Variants in KSR1 observed in about 807,000 individuals in gnomAD.
The protein encoded by KSR1 is kinase suppressor of ras.
A neutral mutation model predicts 92.9 loss-of-function variants in KSR1; 35 were observed. The ratio of observed to expected loss-of-function variants is 0.38; its 90% CI spans 0.29 to 0.50. The LOEUF (loss-of-function observed/expected upper bound fraction) is 0.50, where lower values mean the gene tolerates loss of function less well. Among genes scored for constraint, KSR1 ranks in the 20% least tolerant of loss-of-function variants. KSR1 has a pLI of 0.94. For synonymous variants in KSR1, 467 were observed against 472.6 expected (o/e 0.99, Z 0.15); for missense variants, 972 against 1,158.5 (o/e 0.84, Z 2.34).
intron 2 of KSR1, among the ~76,000 whole-genome samples, chr17:27,572,418 A>G (rs891674493): frequency 2.0e-5 from 3 of 152,172 alleles, no homozygotes; most frequent in Admixed American, 6.5e-5. Context: ...TTGTAGTTCC[A>G]TATTTTGTTC....
chr17:27,510,483 A>T (rs1161900348), intron 1 of KSR1, among the ~76,000 whole-genome samples: 1 of 152,202 alleles, frequency 6.6e-6, no homozygotes, highest in Non-Finnish European at 1.5e-5. Context: ...GTGTAGTTTA[A>T]TGGATGGTTT....
At chr17:27,546,733 A>G (rs2071188191) in intron 1 of KSR1, among the ~76,000 whole-genome samples, 1 of 152,164 alleles carries the variant, frequency 6.6e-6, no homozygotes, top group African/African-American at 2.4e-5. Context: ...CTCTGGTCTC[A>G]CTGGGCGGGA....
Position 27,623,603 on chromosome 17 carries a change from T to C in KSR1, c.*211T>C. The C allele has an allele frequency of 1.6e-6, 1 of 627,006 alleles. No individual in the cohort carries two copies. The highest frequency in any genetic ancestry group is 2.8e-6 in the Non-Finnish European group (1 of 354,574). 38.8% of individuals were successfully genotyped at this position (627,006 alleles called of 1,614,324 possible). ...AAATGACACCACCAACAACCAAACC[T>C]GTCATGACAGACAGCAAATGTTTAC... On this transcript the variant is annotated 3_prime_UTR_variant, in exon 21 of 21. Coordinates refer to ENST00000644974, the MANE Select transcript of KSR1 (RefSeq NM_001394583.1).
Position 27,622,024 on chromosome 17 carries a change from C to T in KSR1, c.2708+751C>T, listed in dbSNP as rs373078815. 28 of 1,211,068 alleles carry T rather than the reference C, an allele frequency of 2.3e-5. No individual in the cohort carries two copies. The African/African-American group carries it at 2.4e-4, about 10-fold the overall frequency. 75.0% of individuals were successfully genotyped at this position (1,211,068 alleles called of 1,614,324 possible). ...TTCTGCTAAAATGCAAAATGAGATGCGGGCACTAACCCAGGGGATGCCACC... is the reference window on the plus strand; with the variant it reads ...TTCTGCTAAAATGCAAAATGAGATGTGGGCACTAACCCAGGGGATGCCACC... On this transcript the variant is annotated intron_variant, in intron 20 of 20. Coordinates refer to ENST00000644974, the MANE Select transcript of KSR1 (RefSeq NM_001394583.1).
In KSR1 at chr17:27,626,080, GTTA is replaced by G. The variant is rs2074334469; in HGVS notation, c.*2691_*2693del. 6.6e-6 allele frequency: 1 copy of G among 152,220 alleles called. No homozygotes were observed. The highest frequency in any genetic ancestry group is 2.4e-5 in the African/African-American group (1 of 41,452). 9.4% of individuals were successfully genotyped at this position (152,220 alleles called of 1,614,324 possible). ...GGAATGGCAAGCCCTGGAAACCTGT[GTTA>G]TTCTGTGTTGATTTGGTGTGGGGGG... On this transcript the variant is annotated 3_prime_UTR_variant, in exon 21 of 21. Transcript: ENST00000644974.
chr17:27,503,547 A>C (rs2069267436), intron 1 of KSR1, among the ~76,000 whole-genome samples: 1 of 152,176 alleles, frequency 6.6e-6, no homozygotes, highest in Non-Finnish European at 1.5e-5. Flanking sequence ...CCTTTTGTCC[A>C]GTTTGGTATC....
chr17:27,538,265 C>G (rs1202704471), intron 1 of KSR1, among the ~76,000 whole-genome samples: 1 of 152,190 alleles, frequency 6.6e-6, no homozygotes, highest in Non-Finnish European at 1.5e-5. Flanking sequence ...TACAATGAGT[C>G]TGGAGTTAGG....
chr17:27,528,276 A>T (rs2070394280), intron 1 of KSR1, among the ~76,000 whole-genome samples: 1 of 152,034 alleles, frequency 6.6e-6, no homozygotes, highest in Non-Finnish European at 1.5e-5. Context: ...CATGTTGGCC[A>T]GGCTGGTCTC....
chr17:27,501,862 C>T (rs11657293), intron 1 of KSR1, among the ~76,000 whole-genome samples: 72,696 of 152,208 alleles, frequency 0.48, 18,903 homozygotes, highest in East Asian at 0.69. Context: ...CATACATTGT[C>T]GTTAGTTCTC....
intron 4 of KSR1, chr17:27,583,834 C>T (rs1274629971): frequency 1.6e-5 from 3 of 188,072 alleles, no homozygotes; most frequent in Non-Finnish European, 3.0e-5. Flanking sequence ...GAGACAGTCA[C>T]ATGGTCCAAA....
At chr17:27,479,255 T>C (rs2068442737) in intron 1 of KSR1, among the ~76,000 whole-genome samples, 1 of 144,444 alleles carries the variant, frequency 6.9e-6, no homozygotes, top group African/African-American at 2.6e-5. Flanking sequence ...TGTGCTCCTC[T>C]CTCCCTCCAT....
At chr17:27,573,852 C>G (rs1035991116) in intron 2 of KSR1, among the ~76,000 whole-genome samples, 1 of 152,144 alleles carries the variant, frequency 6.6e-6, no homozygotes, top group African/African-American at 2.4e-5. Flanking sequence ...ATAATGTATA[C>G]AAAGCCCTAG....
rs1015583924 is a variant in KSR1, at chr17:27,623,300, G to T, written c.2709-14G>T. 4 of 763,296 alleles carry T rather than the reference G, an allele frequency of 5.2e-6. No individual in the cohort carries two copies. The highest frequency in any genetic ancestry group is 9.6e-6 in the Non-Finnish European group (4 of 416,988). 47.3% of individuals were successfully genotyped at this position (763,296 alleles called of 1,614,324 possible). A position where few individuals can be genotyped will look rare whatever the true frequency, so the allele number is the denominator to read the frequency against. ...CAATGGGGCTATAATTCTTGTTTTT[G>T]TTCCTCTTTGCAGCATTAACAGCAG... On this transcript the variant is annotated splice_polypyrimidine_tract_variant and intron_variant, in intron 20 of 20. Coordinates refer to ENST00000644974, the MANE Select transcript of KSR1 (RefSeq NM_001394583.1).
At chr17:27,492,505 G>T (rs942013323) in intron 1 of KSR1, among the ~76,000 whole-genome samples, 1 of 152,194 alleles carries the variant, frequency 6.6e-6, no homozygotes, top group African/African-American at 2.4e-5. Flanking sequence ...GCTGCCATGT[G>T]ACCTTGGACA....
At chr17:27,623,150 G>C in intron 20 of KSR1, 164 bp from the exon 21 acceptor site, 1 of 649,328 alleles carries the variant, frequency 1.5e-6, no homozygotes. Context: ...GGCCTTGGAC[G>C]CAGTATGACC....
intron 14 of KSR1, among the ~76,000 whole-genome samples, chr17:27,607,098 C>A (rs138356757): frequency 6.6e-6 from 1 of 152,148 alleles, no homozygotes; most frequent in African/African-American, 2.4e-5. Flanking sequence ...TCCCAAAGTG[C>A]TGAGATTACA....
chr17:27,574,106 C>G (rs533284097), intron 2 of KSR1, among the ~76,000 whole-genome samples: 2 of 152,280 alleles, frequency 1.3e-5, no homozygotes, highest in East Asian at 3.9e-4. Flanking sequence ...GAGAGACAAA[C>G]TGAGGACACC....
intron 1 of KSR1, among the ~76,000 whole-genome samples, chr17:27,461,120 C>T (rs2019413087): frequency 6.6e-6 from 1 of 152,228 alleles, no homozygotes; most frequent in African/African-American, 2.4e-5. Context: ...CCCACTCTGT[C>T]GCCCAGGCTG....
chr17:27,584,811 G>A (rs1598084541), intron 4 of KSR1, among the ~76,000 whole-genome samples: 1 of 152,304 alleles, frequency 6.6e-6, no homozygotes, highest in East Asian at 1.9e-4. Context: ...TGTTCTCAGG[G>A]GCAGTGGCTG....
Sources: gnomAD v4.1 joint callset for allele counts (sites outside exome capture counted in the v4.1 genomes callset) on GRCh38, gnomAD v4.1.1 for gene constraint, MANE v1.5 for transcripts, NCBI Gene and HGNC (gene_info 2026-07-23, HGNC 2026-07-21) for gene names.